The following SEC63 variants were observed in gnomAD, a reference collection of about 807,000 sequenced individuals.
The protein encoded by SEC63 is SEC63 protein translocation regulator.
Under a neutral mutation model 116.2 loss-of-function variants are expected in SEC63, and 56 were observed. The observed-to-expected ratio is 0.48, with a 90% CI of 0.39 to 0.60. The LOEUF (loss-of-function observed/expected upper bound fraction) is 0.60, where lower values mean the gene tolerates loss of function less well. Among genes scored for constraint, SEC63 ranks in the 20% least tolerant of loss-of-function variants. SEC63 has a pLI of 0.00. For missense variants in SEC63, 668 were observed against 900.0 expected, an observed-to-expected ratio of 0.74 and a Z score of 3.30; for synonymous variants, 273 against 294.6, an observed-to-expected ratio of 0.93 and a Z score of 0.75.
chr6:107,957,674 A>T (rs1439667476), intron 1 of SEC63: 1 of 372,176 alleles, frequency 2.7e-6, no homozygotes, highest in Admixed American at 4.8e-5. Context: ...AGCGAGCGAA[A>T]CTCCTGAGGA....
At chr6:107,902,084 A>G (rs933438810) in intron 12 of SEC63, among the ~76,000 whole-genome samples, 1 of 152,088 alleles carries the variant, frequency 6.6e-6, no homozygotes, top group Non-Finnish European at 1.5e-5. Context: ...GTTTGGTGCT[A>G]GTTATTTTTC....
At chr6:107,945,592 C>T (rs1770466564) in intron 1 of SEC63, among the ~76,000 whole-genome samples, 1 of 152,030 alleles carries the variant, frequency 6.6e-6, no homozygotes, top group Non-Finnish European at 1.5e-5. Flanking sequence ...GCGTGAGCCA[C>T]CGAGCCCAGC....
chr6:107,920,874 T>C (rs546566587), intron 4 of SEC63, among the ~76,000 whole-genome samples: 4 of 152,314 alleles, frequency 2.6e-5, no homozygotes, highest in Middle Eastern at 3.4e-3. Context: ...GACATATGTG[T>C]GTGCATATAA....
chr6:107,901,799 CA>C (rs1787011563), intron 12 of SEC63, among the ~76,000 whole-genome samples: 1 of 151,806 alleles, frequency 6.6e-6, no homozygotes, highest in South Asian at 2.1e-4. Context: ...TTGACTCAAC[CA>C]AGAACTTTGT....
At chr6:107,899,723 A>AAAAAG (rs1158500897) in intron 13 of SEC63, among the ~76,000 whole-genome samples, 2 of 151,746 alleles carry the variant, frequency 1.3e-5, no homozygotes, top group Non-Finnish European at 2.9e-5. Flanking sequence ...TCTCAAAAAA[A>AAAAAG]AAAAGAAAAG....
chr6:107,933,343 G>A (rs575828740), intron 1 of SEC63, among the ~76,000 whole-genome samples: 4 of 152,230 alleles, frequency 2.6e-5, no homozygotes, highest in African/African-American at 4.8e-5. Context: ...TTAAACCAAT[G>A]AGTTTGTAGT....
In SEC63 at chr6:107,921,985, C is replaced by A. The variant is rs1024276773; in HGVS notation, c.340-76G>T. On this transcript the variant is annotated intron_variant, in intron 3 of 20. Coordinates refer to ENST00000369002, the MANE Select transcript of SEC63 (RefSeq NM_007214.5). The stretch of plus-strand genomic sequence containing the variant: ...ACAATTCTGTAAAGAAATAATCAAT[C>A]CTATTTTGAACTTAAAATATGAACT... The A allele has an allele frequency of 3.5e-6, 3 of 866,040 alleles. No homozygotes were observed. The African/African-American group carries it at 5.1e-5, about 15-fold the overall frequency. The allele number at this position is 866,040 out of a possible 1,614,324, so 53.6% of individuals were successfully genotyped here.
intron 16 of SEC63, among the ~76,000 whole-genome samples, chr6:107,887,867 T>C (rs1053234684): frequency 6.6e-6 from 1 of 152,224 alleles, no homozygotes; most frequent in African/African-American, 2.4e-5. Context: ...CCCCATTGCT[T>C]GTTTTTAACA....
At chr6:107,893,716 G>C (rs1786746938) in intron 15 of SEC63, 61 bp from the exon 16 acceptor site, 4 of 1,603,862 alleles carry the variant, frequency 2.5e-6, no homozygotes, top group East Asian at 4.5e-5. Context: ...GAAGGTTGTA[G>C]TAATTTTTAG....
chr6:107,893,107 TACACACACACACACACACACACACACAC>T (rs55814816), intron 16 of SEC63, among the ~76,000 whole-genome samples: 1 of 145,818 alleles, frequency 6.9e-6, no homozygotes, highest in African/African-American at 2.5e-5. Context: ...TGAAATACTA[TACACACACACACACACACACACACACAC>T]ACACACACAC....
At chr6:107,911,100 A>AT (rs942104502) in intron 7 of SEC63, 474 of 493,734 alleles carry the variant, frequency 9.6e-4, no homozygotes, top group Non-Finnish European at 1.2e-3. Flanking sequence ...TAGTTATATA[A>AT]TTTTTTTTTC....
At chr6:107,892,557 A>G (rs1156985007) in intron 16 of SEC63, among the ~76,000 whole-genome samples, 2 of 152,214 alleles carry the variant, frequency 1.3e-5, no homozygotes, top group African/African-American at 4.8e-5. Flanking sequence ...ACTGACGAAA[A>G]AAAGAGACTA....
At chr6:107,894,831 T>C (rs1014107394) in intron 14 of SEC63, among the ~76,000 whole-genome samples, 2 of 151,994 alleles carry the variant, frequency 1.3e-5, no homozygotes, top group East Asian at 3.9e-4. Flanking sequence ...CTTGAACTCC[T>C]GAGCTCAAAG....
intron 3 of SEC63, among the ~76,000 whole-genome samples, chr6:107,922,311 T>A (rs1209397430): frequency 6.6e-6 from 1 of 152,174 alleles, no homozygotes; most frequent in African/African-American, 2.4e-5. Flanking sequence ...CAAGACCAGC[T>A]TGGCCAACAT....
chr6:107,916,788 G>T (rs1007597397), intron 4 of SEC63, among the ~76,000 whole-genome samples: 2 of 152,272 alleles, frequency 1.3e-5, no homozygotes, highest in East Asian at 3.9e-4. Flanking sequence ...ACCTGCAGAA[G>T]AAAAAGAACT....
intron 16 of SEC63, among the ~76,000 whole-genome samples, chr6:107,886,351 T>A (rs951239340): frequency 6.6e-6 from 1 of 152,224 alleles, no homozygotes; most frequent in Non-Finnish European, 1.5e-5. Flanking sequence ...GTAAAATGAT[T>A]TATAATCCTT....
chr6:107,950,034 A>C (rs1053901121), intron 1 of SEC63, among the ~76,000 whole-genome samples: 14 of 152,206 alleles, frequency 9.2e-5, no homozygotes, highest in South Asian at 2.1e-4. Context: ...AACTACGTCC[A>C]TCTACAAGAG....
In SEC63 at chr6:107,949,228, T is replaced by C. The variant is rs568754883; in HGVS notation, c.124+8658A>G. Among the ~76,000 whole-genome samples the C allele has an allele frequency of 5.9e-5, 9 of 152,314 alleles. No individual in the cohort carries two copies. The South Asian group carries it at 1.7e-3, about 28-fold the overall frequency. On this transcript the variant is annotated intron_variant, in intron 1 of 20. Transcript: ENST00000369002. ...ACTGAAAGAGGTGGGAAAGGAGCTATAAAGGAGCAGAGTTTTTATATGTCA... is the reference window on the plus strand; with the variant it reads ...ACTGAAAGAGGTGGGAAAGGAGCTACAAAGGAGCAGAGTTTTTATATGTCA...
intron 1 of SEC63, among the ~76,000 whole-genome samples, chr6:107,949,449 G>A (rs1326664838): frequency 2.0e-5 from 3 of 151,656 alleles, no homozygotes; most frequent in Admixed American, 6.6e-5. Context: ...ACAAGCTTGA[G>A]CAACATGGCA....
Sources: allele counts gnomAD v4.1 joint callset (sites outside exome capture counted in the v4.1 genomes callset), GRCh38; gene constraint gnomAD v4.1.1; transcripts MANE v1.5; gene names NCBI Gene and HGNC (gene_info 2026-07-23, HGNC 2026-07-21).